The following CALN1 variants were observed in gnomAD, a reference collection of about 807,000 sequenced individuals.
CALN1 encodes the protein calneuron 1.
In CALN1, 17 loss-of-function variants were observed where a neutral mutation model predicts 30.6. The ratio of observed to expected loss-of-function variants is 0.56; its 90% CI spans 0.38 to 0.83. The LOEUF (loss-of-function observed/expected upper bound fraction) is 0.83, where lower values mean the gene tolerates loss of function less well. Among genes scored for constraint, CALN1 ranks in the 40% least tolerant of loss-of-function variants. The pLI, the probability that CALN1 is intolerant of heterozygous loss-of-function variation, is 0.00. For missense variants in CALN1, 291 were observed against 354.9 expected (o/e 0.82, Z 1.45); for synonymous variants, 156 against 131.4 (o/e 1.19, Z -1.28).
intron 3 of CALN1, among the ~76,000 whole-genome samples, chr7:72,150,865 G>A (rs1563101225): frequency 7.8e-6 from 1 of 127,736 alleles, no homozygotes; most frequent in East Asian, 1.9e-4. Flanking sequence ...ACTATTTGCT[G>A]TGATGATATG....
intron 2 of CALN1, among the ~76,000 whole-genome samples, chr7:72,356,055 C>T (rs957956897): frequency 1.3e-5 from 2 of 152,152 alleles, no homozygotes; most frequent in African/African-American, 2.4e-5. Flanking sequence ...TTGATCATTA[C>T]ACATTGTATA....
chr7:72,123,484 G>A (rs1056451093), intron 3 of CALN1, among the ~76,000 whole-genome samples: 2 of 152,076 alleles, frequency 1.3e-5, no homozygotes, highest in Non-Finnish European at 1.5e-5. Context: ...CGTAAACACC[G>A]CGCCATGTCT....
intron 5 of CALN1, among the ~76,000 whole-genome samples, chr7:71,812,489 C>T (rs944546408): frequency 3.9e-5 from 6 of 152,104 alleles, no homozygotes; most frequent in African/African-American, 9.7e-5. Context: ...ATATTGAATC[C>T]GAGTCCAGTG....
chr7:71,853,964 A>G (rs1045060265), intron 5 of CALN1, among the ~76,000 whole-genome samples: 1 of 151,926 alleles, frequency 6.6e-6, no homozygotes, highest in Non-Finnish European at 1.5e-5. Flanking sequence ...ACCTTTGTCT[A>G]CCTCCAGTTG....
intron 5 of CALN1, among the ~76,000 whole-genome samples, chr7:71,967,877 A>G (rs1410105045): frequency 1.3e-5 from 2 of 152,208 alleles, no homozygotes; most frequent in East Asian, 3.9e-4. Flanking sequence ...AAAGAAGCTA[A>G]GAATATCTAT....
chr7:71,950,029 T>G (rs903216244), intron 5 of CALN1, among the ~76,000 whole-genome samples: 1 of 152,180 alleles, frequency 6.6e-6, no homozygotes, highest in African/African-American at 2.4e-5. Context: ...CCCAAAGTGT[T>G]GGGATTACAG....
At chr7:72,107,076 G>A (rs115291401) in intron 3 of CALN1, among the ~76,000 whole-genome samples, 6 of 152,280 alleles carry the variant, frequency 3.9e-5, no homozygotes, top group African/African-American at 1.4e-4. Flanking sequence ...AGCTCGACCT[G>A]AGCATCCTCC....
chr7:72,093,902 A>C (rs1329174804), intron 4 of CALN1, among the ~76,000 whole-genome samples: 1 of 152,240 alleles, frequency 6.6e-6, no homozygotes, highest in Admixed American at 6.5e-5. Context: ...GAGATTCAGA[A>C]CAGGAATTTT....
At chr7:72,130,542 G>C (rs755439068) in intron 3 of CALN1, among the ~76,000 whole-genome samples, 2 of 152,064 alleles carry the variant, frequency 1.3e-5, no homozygotes, top group Non-Finnish European at 2.9e-5. Context: ...GCCATTAAAA[G>C]TATGGACAAA....
chr7:72,293,667 T>A (rs967983631), intron 2 of CALN1, among the ~76,000 whole-genome samples: 1 of 152,186 alleles, frequency 6.6e-6, no homozygotes, highest in African/African-American at 2.4e-5. Flanking sequence ...ATTTTTTTTC[T>A]ATTTTATTCT....
chr7:71,860,141 T>C (rs1204541565), intron 5 of CALN1, among the ~76,000 whole-genome samples: 1 of 152,128 alleles, frequency 6.6e-6, no homozygotes, highest in Non-Finnish European at 1.5e-5. Flanking sequence ...GGTGGGTGCA[T>C]TCCTCCTTTC....
In CALN1 at chr7:72,147,749, C is replaced by T. The variant is rs544495792; in HGVS notation, c.245-41455G>A. ...TTAAGAAAATGTGGCACATATACAC[C>T]ATGGAATACTATGCAGCCATAAAAA... On this transcript the variant is annotated intron_variant, in intron 3 of 6. Transcript: ENST00000395275. Among the ~76,000 whole-genome samples, 849 of 151,986 alleles carry T rather than the reference C, an allele frequency of 5.6e-3. 6 individuals carry two copies. Among genetic ancestry groups the T allele is most frequent in the Non-Finnish European group, 9.4e-3 (638 of 67,956 alleles).
At chr7:72,387,190 AAGGGAGGG>A (rs1240097631) in intron 2 of CALN1, among the ~76,000 whole-genome samples, 3 of 131,814 alleles carry the variant, frequency 2.3e-5, no homozygotes, top group Non-Finnish European at 3.2e-5. Flanking sequence ...CAAACTAAGG[AAGGGAGGG>A]AGGGAGGGAG....
intron 3 of CALN1, among the ~76,000 whole-genome samples, chr7:72,219,534 G>A (rs1490749918): frequency 2.0e-5 from 3 of 152,030 alleles, no homozygotes; most frequent in Non-Finnish European, 4.4e-5. Context: ...CTGTTAAGAT[G>A]CTCTTCATTT....
At chr7:72,194,228 A>G (rs562385797) in intron 3 of CALN1, among the ~76,000 whole-genome samples, 58 of 152,366 alleles carry the variant, frequency 3.8e-4, no homozygotes, top group African/African-American at 1.4e-3. Context: ...TGGCTATGCC[A>G]TTAACCAAGG....
At chr7:72,302,142 G>A (rs150020174) in intron 2 of CALN1, among the ~76,000 whole-genome samples, 1,791 of 152,150 alleles carry the variant, frequency 0.012, 40 homozygotes, top group African/African-American at 0.04. Flanking sequence ...CTGCAGATGC[G>A]TTTCAGAACA....
intron 5 of CALN1, among the ~76,000 whole-genome samples, chr7:71,828,747 G>A (rs1387399542): frequency 2.2e-5 from 3 of 138,570 alleles, no homozygotes; most frequent in Non-Finnish European, 4.4e-5. Context: ...TGTGTAATTT[G>A]GGGTTTTGTG....
intron 3 of CALN1, among the ~76,000 whole-genome samples, chr7:72,226,706 C>G (rs1467662364): frequency 6.6e-6 from 1 of 152,200 alleles, no homozygotes; most frequent in Non-Finnish European, 1.5e-5. Context: ...ACCGCACGTT[C>G]TCATTTACAG....
intron 2 of CALN1, among the ~76,000 whole-genome samples, chr7:72,354,686 A>T (rs1376358367): frequency 6.6e-6 from 1 of 152,176 alleles, no homozygotes; most frequent in Admixed American, 6.5e-5. Flanking sequence ...ATTCAAATTA[A>T]TTAATTTAAT....
Sources: allele counts gnomAD v4.1 joint callset (sites outside exome capture counted in the v4.1 genomes callset), GRCh38; gene constraint gnomAD v4.1.1; transcripts MANE v1.5; gene names NCBI Gene and HGNC (gene_info 2026-07-23, HGNC 2026-07-21).